ADGRB3: variants seen among roughly 807,000 people sequenced by gnomAD.
The protein encoded by ADGRB3 is adhesion G protein-coupled receptor B3.
A neutral mutation model predicts 193.4 loss-of-function variants in ADGRB3; 37 were observed. The ratio of observed to expected loss-of-function variants is 0.19; its 90% CI spans 0.15 to 0.25. The LOEUF (loss-of-function observed/expected upper bound fraction) is 0.25. Ranked by LOEUF, ADGRB3 falls within the 10% of genes least tolerant of loss-of-function variation. The pLI, the probability that ADGRB3 is intolerant of heterozygous loss-of-function variation, is 1.00. For synonymous variants in ADGRB3, 690 were observed against 644.2 expected (o/e 1.07, Z -1.08); for missense variants, 1,637 against 1,852.9 (o/e 0.88, Z 2.14).
intron 3 of ADGRB3, among the ~76,000 whole-genome samples, chr6:68,682,374 G>A (rs912599942): frequency 1.1e-4 from 17 of 152,248 alleles, no homozygotes; most frequent in Admixed American, 3.3e-4. Context: ...AACAATCAGG[G>A]TAGCCTGAAG....
chr6:68,880,942 G>A (rs755571763), intron 3 of ADGRB3, among the ~76,000 whole-genome samples: 4 of 152,040 alleles, frequency 2.6e-5, no homozygotes, highest in African/African-American at 9.7e-5. Context: ...AGCCCTATTT[G>A]TATAAATTTT....
In ADGRB3 at chr6:68,897,082, G is replaced by A. The variant is rs141414213; in HGVS notation, c.758-33477G>A. Among the ~76,000 whole-genome samples the A allele has an allele frequency of 4.4e-3, 673 of 152,164 alleles. 3 individuals are homozygous for A. Among genetic ancestry groups the A allele is most frequent in the Middle Eastern group, 0.014 (4 of 294 alleles). ...ATAAACCAAACAACTGATCCAAATC[G>A]GTGTTCATGTAGCTGGTGGGAGAGT... On this transcript the variant is annotated intron_variant, in intron 3 of 31. Transcript: ENST00000370598.
At chr6:69,274,726 G>A (rs1767262095) in intron 20 of ADGRB3, among the ~76,000 whole-genome samples, 1 of 150,778 alleles carries the variant, frequency 6.6e-6, no homozygotes. Flanking sequence ...TGGGAAAAAT[G>A]AGGCTGCACT....
intron 3 of ADGRB3, among the ~76,000 whole-genome samples, chr6:68,792,546 A>G (rs1416475622): frequency 1.3e-5 from 2 of 152,062 alleles, no homozygotes; most frequent in Admixed American, 6.6e-5. Flanking sequence ...TCTGAGCTGA[A>G]TTCCTTCATG....
intron 3 of ADGRB3, among the ~76,000 whole-genome samples, chr6:68,813,578 T>A (rs1314264758): frequency 6.6e-6 from 1 of 152,036 alleles, no homozygotes; most frequent in African/African-American, 2.4e-5. Flanking sequence ...TTTTTTTTTT[T>A]AAGTTTTAGG....
chr6:69,044,737 G>A (rs1269306683), intron 13 of ADGRB3, among the ~76,000 whole-genome samples: 2 of 152,290 alleles, frequency 1.3e-5, no homozygotes, highest in African/African-American at 2.4e-5. Context: ...TATTGCATAA[G>A]AAATCAAATC....
At chr6:68,730,237 A>G (rs1765747214) in intron 3 of ADGRB3, among the ~76,000 whole-genome samples, 1 of 151,702 alleles carries the variant, frequency 6.6e-6, no homozygotes, top group African/African-American at 2.4e-5. Context: ...GTGACCTCAT[A>G]TAAGTACTTT....
intron 3 of ADGRB3, among the ~76,000 whole-genome samples, chr6:68,822,026 T>C (rs1022871132): frequency 1.3e-5 from 2 of 151,912 alleles, no homozygotes; most frequent in Admixed American, 1.3e-4. Context: ...TTGTCCTAAG[T>C]TATACAGCTA....
intron 7 of ADGRB3, 38 bp from the exon 8 acceptor site, chr6:68,956,607 G>A (rs1249965612): frequency 3.1e-6 from 5 of 1,611,544 alleles, no homozygotes; most frequent in East Asian, 2.2e-5. Flanking sequence ...GGAGTGTGTG[G>A]TAGATGACTG....
At chr6:69,062,888 T>G (rs763518500) in intron 15 of ADGRB3, 46 bp from the exon 16 acceptor site, 4 of 1,402,992 alleles carry the variant, frequency 2.9e-6, no homozygotes, top group South Asian at 2.4e-5. Context: ...GAATTTATAC[T>G]TTTCAGCACT....
rs192158688 is a variant in ADGRB3 at position 69,365,552 on chromosome 6, T to C, written c.4239+4040T>C. Among the ~76,000 whole-genome samples, 508 of 152,248 alleles carry C rather than the reference T, an allele frequency of 3.3e-3. 2 individuals are homozygous for C. Among genetic ancestry groups the C allele is most frequent in the African/African-American group, 0.011 (476 of 41,582 alleles). The stretch of plus-strand genomic sequence containing the variant: ...ACACCTTAAGTGGTTTCTGTTGTTC[T>C]TGCCTTAATTTTTCTTATCAATAAA... On this transcript the variant is annotated intron_variant, in intron 29 of 31. Transcript: ENST00000370598.
At chr6:68,915,509 G>A (rs571238379) in intron 3 of ADGRB3, among the ~76,000 whole-genome samples, 171 of 152,292 alleles carry the variant, frequency 1.1e-3, no homozygotes, top group African/African-American at 3.9e-3. Context: ...AATATTAAGG[G>A]TACGCTGGAT....
In ADGRB3 at chr6:69,093,911, A is replaced by T. The variant is rs567526591; in HGVS notation, c.2480+17873A>T. Among the ~76,000 whole-genome samples the T allele has an allele frequency of 4.0e-4, 61 of 152,320 alleles. 2 individuals carry two copies. The South Asian group carries it at 6.6e-3, about 17-fold the overall frequency. ...GTACTTTTTCCTAACAGTTATAGAA[A>T]GCTGTAAAAATTATTTAAATCAGAG... On this transcript the variant is annotated intron_variant, in intron 17 of 31. Coordinates refer to ENST00000370598, the MANE Select transcript of ADGRB3 (RefSeq NM_001704.3).
chr6:68,849,275 G>A (rs1180444954), intron 3 of ADGRB3, among the ~76,000 whole-genome samples: 1 of 151,724 alleles, frequency 6.6e-6, no homozygotes, highest in African/African-American at 2.4e-5. Context: ...AGGGTTTGCA[G>A]TAAAGTCTAA....
chr6:69,095,585 A>G (rs1772850744), intron 17 of ADGRB3, among the ~76,000 whole-genome samples: 1 of 152,074 alleles, frequency 6.6e-6, no homozygotes, highest in Non-Finnish European at 1.5e-5. Context: ...GCAATGTAAG[A>G]TTTTTCCGTT....
intron 3 of ADGRB3, among the ~76,000 whole-genome samples, chr6:68,789,639 G>T (rs946275022): frequency 1.1e-4 from 17 of 152,094 alleles, no homozygotes; most frequent in Non-Finnish European, 8.8e-5. Context: ...TCTTTGAGTT[G>T]CTCTTCTCGA....
intron 17 of ADGRB3, among the ~76,000 whole-genome samples, chr6:69,206,805 A>T (rs1485137245): frequency 6.6e-6 from 1 of 152,112 alleles, no homozygotes; most frequent in Non-Finnish European, 1.5e-5. Flanking sequence ...TCTACTACCC[A>T]TTCTGTATTC....
chr6:68,805,282 A>T lies in ADGRB3; in HGVS notation c.758-125277A>T, dbSNP rs114013654. On this transcript the variant is annotated intron_variant, in intron 3 of 31. Transcript: ENST00000370598. ...AACATATTTAAACCACAGTTCTGAAAATAATGCCATCTTTAGATGAATCTG... is the reference window on the plus strand; with the variant it reads ...AACATATTTAAACCACAGTTCTGAATATAATGCCATCTTTAGATGAATCTG... Among the ~76,000 whole-genome samples, 356 of 152,286 alleles carry T rather than the reference A, an allele frequency of 2.3e-3. 1 individual carries two copies. Among genetic ancestry groups the T allele is most frequent in the African/African-American group, 8.1e-3 (338 of 41,560 alleles).
intron 17 of ADGRB3, among the ~76,000 whole-genome samples, chr6:69,134,984 T>A (rs1774111876): frequency 6.6e-6 from 1 of 152,158 alleles, no homozygotes; most frequent in East Asian, 1.9e-4. Context: ...AAACTCTGTT[T>A]TAGTGTTTTT....
Sources: gnomAD v4.1 joint callset for allele counts (sites outside exome capture counted in the v4.1 genomes callset) on GRCh38, gnomAD v4.1.1 for gene constraint, MANE v1.5 for transcripts, NCBI Gene and HGNC (gene_info 2026-07-23, HGNC 2026-07-21) for gene names.